Variants in RAI1 observed in about 807,000 individuals in gnomAD.
The protein encoded by RAI1 is retinoic acid induced 1, also known as retinoic acid-induced protein 1.
RAI1 carries 9 observed loss-of-function variants against 123.8 expected under a neutral mutation model. That is an observed-to-expected ratio of 0.07 (90% CI 0.04 to 0.13). RAI1 has a LOEUF of 0.13. Among genes scored for constraint, RAI1 ranks in the 10% least tolerant of loss-of-function variants. The probability of loss-of-function intolerance (pLI) is 1.00; values close to 1 mark genes in which losing one functional copy is unlikely to be tolerated. For missense variants in RAI1, 2,256 were observed against 2,545.8 expected, an observed-to-expected ratio of 0.89 and a Z score of 2.45; for synonymous variants, 1,231 against 1,127.3, an observed-to-expected ratio of 1.09 and a Z score of -1.84.
Position 17,797,463 on chromosome 17 carries a change from C to A in RAI1, c.4515C>A (p.Gly1505=). Reference sequence around the variant, plus strand: ...AGAAGCCAAAGATGGAGGAGCTGGGCCTGGCCTCCCAGCCCCCGGAGGGCA... The same window carrying A: ...AGAAGCCAAAGATGGAGGAGCTGGGACTGGCCTCCCAGCCCCCGGAGGGCA... ...GGKKPKMEEL[G]LASQPPEGRP... The change falls in exon 3 of 6, where the codon GGC becomes GGA. Residue 1505 remains glycine (G), a synonymous_variant. Transcript: ENST00000353383. The A allele has an allele frequency of 6.2e-7, 1 of 1,613,424 alleles. No homozygotes were observed. The highest frequency in any genetic ancestry group is 8.5e-7 in the Non-Finnish European group (1 of 1,179,892).
intron 1 of RAI1, among the ~76,000 whole-genome samples, chr17:17,699,629 C>CGG (rs372576220): frequency 0.029 from 1,467 of 50,634 alleles, 24 homozygotes; most frequent in Non-Finnish European, 0.047. Flanking sequence ...GTCGGGGGGC[C>CGG]GGGGGGGGGG....
intron 1 of RAI1, among the ~76,000 whole-genome samples, chr17:17,700,018 G>GCTCT (rs1915164568): frequency 1.3e-5 from 2 of 152,234 alleles, no homozygotes; most frequent in Non-Finnish European, 2.9e-5. Context: ...TACTCCTGGG[G>GCTCT]CTCTTGGGGA....
chr17:17,718,389 G>T (rs1915775772), intron 1 of RAI1, among the ~76,000 whole-genome samples: 1 of 152,224 alleles, frequency 6.6e-6, no homozygotes, highest in Non-Finnish European at 1.5e-5. Flanking sequence ...TGCTTTCAAA[G>T]AAAAGCATTT....
At chr17:17,726,852 C>T (rs927860748) in intron 2 of RAI1, among the ~76,000 whole-genome samples, 1 of 152,002 alleles carries the variant, frequency 6.6e-6, no homozygotes, top group Non-Finnish European at 1.5e-5. Context: ...AAGACTTTGT[C>T]GTCATTCTCT....
chr17:17,756,827 CT>C (rs2030456575), intron 2 of RAI1, among the ~76,000 whole-genome samples: 1 of 152,214 alleles, frequency 6.6e-6, no homozygotes, highest in Non-Finnish European at 1.5e-5. Flanking sequence ...AGAGGGGCTT[CT>C]GTGAAGGTGT....
chr17:17,776,658 C>CTTTTTTTTTTTT (rs3075548), intron 2 of RAI1: 4 of 59,368 alleles, frequency 6.7e-5, no homozygotes, highest in African/African-American at 3.1e-4. Context: ...GCCTGGCTCA[C>CTTTTTTTTTTTT]TTTTTTTTTT....
rs2143007404 is a variant in RAI1, at chr17:17,810,886, G to A, written c.*905G>A. The A allele has an allele frequency of 2.3e-6, 1 of 431,456 alleles. No homozygotes were observed. Among genetic ancestry groups the A allele is most frequent in the Non-Finnish European group, 4.8e-6 (1 of 208,884 alleles). 26.7% of individuals were successfully genotyped at this position (431,456 alleles called of 1,614,324 possible). On this transcript the variant is annotated 3_prime_UTR_variant, in exon 6 of 6. Coordinates refer to ENST00000353383, the MANE Select transcript of RAI1 (RefSeq NM_030665.4). The surrounding 1 kb of genome is among the most constrained non-coding windows in gnomAD (Gnocchi z 4.6). ...GGGAGCAGGGACAGCGCTAGATTTC[G>A]TGTACAAAACCTGTGTACCCCTCTA...
At chr17:17,698,809 A>G (rs1036571471) in intron 1 of RAI1, among the ~76,000 whole-genome samples, 11 of 152,210 alleles carry the variant, frequency 7.2e-5, no homozygotes, top group Admixed American at 6.5e-4. Context: ...GTCGATATCT[A>G]TGTTTGGAGG....
At chr17:17,790,777 C>A (rs987347194) in intron 2 of RAI1, among the ~76,000 whole-genome samples, 10 of 152,202 alleles carry the variant, frequency 6.6e-5, no homozygotes, top group African/African-American at 2.4e-4. Flanking sequence ...ACATTCTGGG[C>A]TCATAAACAT....
intron 2 of RAI1, among the ~76,000 whole-genome samples, chr17:17,743,432 C>T (rs1484525227): frequency 1.3e-5 from 2 of 152,222 alleles, no homozygotes; most frequent in Admixed American, 1.3e-4. Flanking sequence ...TATGCCAGGC[C>T]CCCAGGGCGC....
At chr17:17,746,634 C>CTTTTTTTTTTTT (rs377692656) in intron 2 of RAI1, among the ~76,000 whole-genome samples, 8 of 120,396 alleles carry the variant, frequency 6.6e-5, no homozygotes, top group South Asian at 2.6e-4. Flanking sequence ...CTTTTCTTTT[C>CTTTTTTTTTTTT]TTTTTTTTTT....
chr17:17,723,698 C>T (rs1223955783), intron 1 of RAI1, among the ~76,000 whole-genome samples: 1 of 149,484 alleles, frequency 6.7e-6, no homozygotes. Context: ...TCCCTGCCCC[C>T]TCCTCCTCCT....
At chr17:17,687,478 C>T (rs1914680857) in intron 1 of RAI1, among the ~76,000 whole-genome samples, 1 of 152,190 alleles carries the variant, frequency 6.6e-6, no homozygotes, top group Non-Finnish European at 1.5e-5. Flanking sequence ...CTCAGAGCGT[C>T]TGCAGGCCCA....
chr17:17,711,547 G>A (rs902476199), intron 1 of RAI1, among the ~76,000 whole-genome samples: 2 of 152,200 alleles, frequency 1.3e-5, no homozygotes, highest in African/African-American at 4.8e-5. Context: ...AGTGGGAGGT[G>A]TACACGGGAT....
chr17:17,686,724 G>A (rs967447727), intron 1 of RAI1, among the ~76,000 whole-genome samples: 1 of 151,788 alleles, frequency 6.6e-6, no homozygotes, highest in African/African-American at 2.4e-5. Flanking sequence ...AGATGGAAGT[G>A]GGGGGACGGC....
At chr17:17,724,416 T>TTC (rs1916007135) in intron 2 of RAI1, among the ~76,000 whole-genome samples, 1 of 148,280 alleles carries the variant, frequency 6.7e-6, no homozygotes, top group South Asian at 2.1e-4. Context: ...CTTTTTTTTT[T>TTC]TTTTTTTTTG....
intron 2 of RAI1, among the ~76,000 whole-genome samples, chr17:17,754,754 C>T (rs1233172106): frequency 6.6e-6 from 1 of 152,244 alleles, no homozygotes; most frequent in East Asian, 1.9e-4. Flanking sequence ...GGTTGGGGGG[C>T]TGCCACCAGG....
At chr17:17,743,282 C>G (rs952360251) in intron 2 of RAI1, among the ~76,000 whole-genome samples, 8 of 152,222 alleles carry the variant, frequency 5.3e-5, no homozygotes, top group African/African-American at 1.7e-4. Context: ...CACCCCAGCC[C>G]CAGTTTTAAA....
intron 1 of RAI1, among the ~76,000 whole-genome samples, chr17:17,694,468 C>T (rs2142871822): frequency 6.6e-6 from 1 of 152,310 alleles, no homozygotes; most frequent in Middle Eastern, 3.4e-3. Context: ...CTGGGAGGGC[C>T]CGGGCCTCGA....
Sources: allele counts gnomAD v4.1 joint callset (sites outside exome capture counted in the v4.1 genomes callset), GRCh38; gene constraint gnomAD v4.1.1; non-coding constraint Gnocchi (gnomAD v3.1); transcripts MANE v1.5; gene names NCBI Gene and HGNC (gene_info 2026-07-23, HGNC 2026-07-21).